GPR78: variants seen among roughly 807,000 people sequenced by gnomAD.
GPR78 encodes the protein G protein-coupled receptor 78.
GPR78 carries 29 observed loss-of-function variants against 17.9 expected under a neutral mutation model. The observed-to-expected ratio is 1.62, with a 90% CI of 1.20 to 2.21. The LOEUF (loss-of-function observed/expected upper bound fraction) is 2.21, where lower values mean the gene tolerates loss of function less well. GPR78 is among the 30% of genes most tolerant of loss of function. The probability of loss-of-function intolerance (pLI) is 0.00; values close to 1 mark genes in which losing one functional copy is unlikely to be tolerated. For missense variants in GPR78, 649 were observed against 530.5 expected, an observed-to-expected ratio of 1.22 and a Z score of -2.19; for synonymous variants, 349 against 256.9, an observed-to-expected ratio of 1.36 and a Z score of -3.43.
Position 8,587,060 on chromosome 4 carries a change from G to A in GPR78, c.789G>A (p.Ala263=), listed in dbSNP as rs61746124. ...CFAPYVMTRL[A]ELVPFVTVNA... ...TGCTCCGCTTCCCCAACAGGCTGGC[G>A]GAGCTCGTGCCCTTCGTCACCGTGA... is the stretch of plus-strand genomic sequence containing the variant. Residue 263 remains alanine, a synonymous_variant, in exon 3 of 3, where the codon GCG becomes GCA. Transcript: ENST00000382487. The A allele has an allele frequency of 0.021, 33,936 of 1,610,332 alleles. 417 individuals are homozygous for A. The highest frequency in any genetic ancestry group is 0.024 in the South Asian group (2,226 of 90,898).
At chr4:8,583,676 G>T (rs577747474) in intron 2 of GPR78, among the ~76,000 whole-genome samples, 3 of 138,878 alleles carry the variant, frequency 2.2e-5, no homozygotes, top group Admixed American at 7.3e-5. Flanking sequence ...AGGTTACTGG[G>T]TGGCTTAGAT....
chr4:8,587,096 G>A lies in GPR78; in HGVS notation c.825G>A (p.Trp275Ter), dbSNP rs764562329. 2 of 1,613,228 alleles carry A rather than the reference G, an allele frequency of 1.2e-6. No homozygotes were observed. Among genetic ancestry groups the A allele is most frequent in the Admixed American group, 3.3e-5 (2 of 60,024 alleles). Reference sequence around the variant, plus strand: ...CCTTCGTCACCGTGAACGCCCAGTGGGGCATCCTCAGCAAGTGCCTGACCT... The same window carrying A: ...CCTTCGTCACCGTGAACGCCCAGTGAGGCATCCTCAGCAAGTGCCTGACCT... The part of the protein sequence containing the change: ...LVPFVTVNAQ[W>*]GILSKCLTYS... The change falls in exon 3 of 3, where the codon TGG becomes TGA. Residue 275 changes from tryptophan (W) to a stop codon, truncating the protein, a stop_gained. Coordinates refer to ENST00000382487, the MANE Select transcript of GPR78 (RefSeq NM_080819.5). LOFTEE classifies it low-confidence loss of function (END_TRUNC).
Position 8,581,209 on chromosome 4 carries a change from C to T in GPR78, c.227C>T (p.Pro76Leu), listed in dbSNP as rs369770345. The T allele has an allele frequency of 5.5e-5, 88 of 1,598,860 alleles. No individual in the cohort carries two copies. Among genetic ancestry groups the T allele is most frequent in the Non-Finnish European group, 7.0e-5 (82 of 1,177,656 alleles). ...GVMRGRTPSA[P>L]GACQVIGFLD... ...ATGCGCGGGCGGACACCGTCGGCGC[C>T]CGGCGCATGCCAAGTCATTGGCTTC... The change falls in exon 1 of 3, where the codon CCC becomes CTC. Residue 76 changes from proline to leucine, a missense_variant. Transcript: ENST00000382487.
chr4:8,583,206 CTG>C (rs774829004), intron 2 of GPR78, among the ~76,000 whole-genome samples: 89 of 152,166 alleles, frequency 5.8e-4, no homozygotes, highest in Non-Finnish European at 1.1e-3. Flanking sequence ...GCAGGGGAGT[CTG>C]TAGTTTTTGC....
chr4:8,581,152 C>T lies in GPR78; in HGVS notation c.170C>T (p.Ala57Val), dbSNP rs1336004890. The T allele has an allele frequency of 1.2e-5, 20 of 1,604,032 alleles. 1 individual carries two copies. The South Asian group carries it at 2.1e-4, about 17-fold the overall frequency. The change falls in exon 1 of 3, where the codon GCG (alanine) becomes GTG (valine). Residue 57 changes from alanine (A) to valine (V), a missense_variant. Transcript: ENST00000382487. ...TCTCTGGGCCACCTGCTGCTGGCGGCGCTGGACATGCCCTTCACGCTGCTC... is the reference window on the plus strand; with the variant it reads ...TCTCTGGGCCACCTGCTGCTGGCGGTGCTGGACATGCCCTTCACGCTGCTC... ...NLSLGHLLLAALDMPFTLLGV... is the reference protein window; with the variant it reads ...NLSLGHLLLAVLDMPFTLLGV...
chr4:8,589,725 AG>A lies in GPR78; in HGVS notation c.*2364del. Among the ~76,000 whole-genome samples the A allele has an allele frequency of 6.6e-6, 1 of 152,282 alleles. No individual in the cohort carries two copies. Among genetic ancestry groups the A allele is most frequent in the African/African-American group, 2.4e-5 (1 of 41,566 alleles). On this transcript the variant is annotated 3_prime_UTR_variant, in exon 3 of 3. Transcript: ENST00000382487. ...AACGCGTGCACCCTGCCCTGCTGGA[AG>A]GCACCATGGTTAGAGGGAGGCACAC...
chr4:8,584,629 G>C (rs1713425271), intron 2 of GPR78, among the ~76,000 whole-genome samples: 1 of 152,244 alleles, frequency 6.6e-6, no homozygotes, highest in Non-Finnish European at 1.5e-5. Flanking sequence ...CAGTGGGGGA[G>C]GGGTCTTGAG....
Position 8,581,237 on chromosome 4 carries a change from G to A in GPR78, c.255G>A (p.Leu85=), listed in dbSNP as rs1198201584. Residue 85 remains leucine (L), a synonymous_variant, in exon 1 of 3, where the codon CTG becomes CTA. Coordinates refer to ENST00000382487, the MANE Select transcript of GPR78 (RefSeq NM_080819.5). The part of the protein sequence containing the change: ...APGACQVIGF[L]DTFLASNAAL... ...GCGCATGCCAAGTCATTGGCTTCCT[G>A]GACACCTTCCTGGCGTCCAACGCGG... The A allele has an allele frequency of 6.3e-7, 1 of 1,595,890 alleles. No homozygotes were observed. The highest frequency in any genetic ancestry group is 1.1e-5 in the South Asian group (1 of 89,648).
intron 2 of GPR78, chr4:8,582,868 C>T (rs1197448750): frequency 5.8e-6 from 3 of 518,756 alleles, no homozygotes; most frequent in South Asian, 5.4e-5. Flanking sequence ...AGGAGACTCT[C>T]CTTGTCCAGG....
At chr4:8,583,464 G>A (rs922315727) in intron 2 of GPR78, among the ~76,000 whole-genome samples, 3 of 152,168 alleles carry the variant, frequency 2.0e-5, no homozygotes, top group African/African-American at 7.2e-5. Flanking sequence ...GCCATAGCAG[G>A]AGGATACCCT....
rs564740416 is a variant in GPR78, at chr4:8,586,654, T to A, written c.783-400T>A. ...GGGCTCCCAGAGCTCACATCTGGGGTGTGTTGGTCTGCAGCCTGGTAGTGG... is the reference window on the plus strand; with the variant it reads ...GGGCTCCCAGAGCTCACATCTGGGGAGTGTTGGTCTGCAGCCTGGTAGTGG... On this transcript the variant is annotated intron_variant, in intron 2 of 2. Coordinates refer to ENST00000382487, the MANE Select transcript of GPR78 (RefSeq NM_080819.5). Among the ~76,000 whole-genome samples, 74 of 152,004 alleles carry A rather than the reference T, an allele frequency of 4.9e-4. 1 individual carries two copies. The highest frequency in any genetic ancestry group is 1.7e-3 in the African/African-American group (69 of 41,450).
chr4:8,582,778 C>G (rs868285652), intron 2 of GPR78, 134 bp downstream of exon 2: 2 of 667,298 alleles, frequency 3.0e-6, no homozygotes, highest in Admixed American at 2.1e-5. Flanking sequence ...CCACACCTGA[C>G]GGGCTCAGGG....
chr4:8,585,399 C>T (rs1168041410), intron 2 of GPR78, among the ~76,000 whole-genome samples: 1 of 152,176 alleles, frequency 6.6e-6, no homozygotes, highest in Non-Finnish European at 1.5e-5. Flanking sequence ...GGCTTTCTTA[C>T]TCACCTGCAG....
rs1172838212 is a variant in GPR78, at chr4:8,580,989, C to T, written c.7C>T (p.Pro3Ser). The change falls in exon 1 of 3, where the codon CCC becomes TCC. Residue 3 changes from proline (P) to serine (S), a missense_variant. Transcript: ENST00000382487. MG[P>S]GEALLAGLLV... ...CTGGCGAGCCGCTAGCGCCATGGGC[C>T]CCGGCGAGGCGCTGCTGGCGGGTCT... 14 of 1,582,640 alleles carry T rather than the reference C, an allele frequency of 8.8e-6. No homozygotes were observed. Among genetic ancestry groups the T allele is most frequent in the South Asian group, 2.3e-5 (2 of 87,600 alleles).
chr4:8,581,195 G>T lies in GPR78; in HGVS notation c.213G>T (p.Arg71=). The T allele has an allele frequency of 6.2e-7, 1 of 1,601,396 alleles. No homozygotes were observed. The highest frequency in any genetic ancestry group is 8.5e-7 in the Non-Finnish European group (1 of 1,178,704). Residue 71 remains arginine (R), a synonymous_variant, in exon 1 of 3, where the codon CGG becomes CGT. Transcript: ENST00000382487. ...PFTLLGVMRG[R]TPSAPGACQV... Reference sequence around the variant, plus strand: ...CGCTGCTCGGTGTGATGCGCGGGCGGACACCGTCGGCGCCCGGCGCATGCC... The same window carrying T: ...CGCTGCTCGGTGTGATGCGCGGGCGTACACCGTCGGCGCCCGGCGCATGCC...
chr4:8,587,254 A>G lies in GPR78; in HGVS notation c.983A>G (p.Asp328Gly), dbSNP rs771352409. The change falls in exon 3 of 3, where the codon GAT (aspartate) becomes GGT (glycine). Residue 328 changes from aspartate to glycine, a missense_variant. Coordinates refer to ENST00000382487, the MANE Select transcript of GPR78 (RefSeq NM_080819.5). ...RPASTHDSSLDVAGMVHQLLK... is the reference protein window; with the variant it reads ...RPASTHDSSLGVAGMVHQLLK... Reference sequence around the variant, plus strand: ...GCATCCACCCATGACAGCTCTCTGGATGTGGCCGGCATGGTGCACCAGCTG... The same window carrying G: ...GCATCCACCCATGACAGCTCTCTGGGTGTGGCCGGCATGGTGCACCAGCTG... 1 of 1,605,958 alleles carries G rather than the reference A, an allele frequency of 6.2e-7. No individual in the cohort carries two copies. Among genetic ancestry groups the G allele is most frequent in the Non-Finnish European group, 8.5e-7 (1 of 1,174,534 alleles).
Position 8,580,939 on chromosome 4 carries a change from C to T in GPR78, c.-44C>T. On this transcript the variant is annotated 5_prime_UTR_variant, in exon 1 of 3. Coordinates refer to ENST00000382487, the MANE Select transcript of GPR78 (RefSeq NM_080819.5). ...CACTTTCCCAGGCTCGCGCCCGAAG[C>T]AGAGCCATGAGAACCCCAGGGTGCC... The T allele has an allele frequency of 2.0e-6, 3 of 1,466,836 alleles. No individual in the cohort carries two copies. The highest frequency in any genetic ancestry group is 1.4e-5 in the South Asian group (1 of 72,590). The allele number at this position is 1,466,836 out of a possible 1,614,324, so 90.9% of individuals were successfully genotyped here.
chr4:8,581,094 ACTCGAGCCTCAGGCGTC>A lies in GPR78; in HGVS notation c.116_132del (p.Arg39ProfsTer121). ...TTGCGCCTACAGCGCTGAGCTCCGC[ACTCGAGCCTCAGGCGTC>A]CTCCTGGTGAATCTGTCTCTGGGCC... On this transcript the variant is annotated frameshift_variant, in exon 1 of 3. Coordinates refer to ENST00000382487, the MANE Select transcript of GPR78 (RefSeq NM_080819.5). LOFTEE classifies it high-confidence loss of function. 1 of 1,606,082 alleles carries A rather than the reference ACTCGAGCCTCAGGCGTC, an allele frequency of 6.2e-7. No individual in the cohort carries two copies. The highest frequency in any genetic ancestry group is 1.1e-5 in the South Asian group (1 of 90,786).
intron 2 of GPR78, among the ~76,000 whole-genome samples, chr4:8,585,469 C>T (rs147080120): frequency 3.7e-4 from 56 of 152,144 alleles, no homozygotes; most frequent in African/African-American, 1.3e-3. Flanking sequence ...ATAGGACCTT[C>T]CTTCCCACTT....
Sources: allele counts gnomAD v4.1 joint callset (sites outside exome capture counted in the v4.1 genomes callset), GRCh38; gene constraint gnomAD v4.1.1; transcripts MANE v1.5; gene names NCBI Gene and HGNC (gene_info 2026-07-23, HGNC 2026-07-21).